Variants in RNLS observed in about 807,000 individuals in gnomAD.
The protein encoded by RNLS is renalase.
In RNLS, 39 loss-of-function variants were observed where a neutral mutation model predicts 39.8. The observed-to-expected ratio is 0.98, with a 90% CI of 0.76 to 1.28. The LOEUF is 1.28. RNLS is among the 50% of genes most tolerant of loss of function. RNLS has a pLI of 0.00. For missense variants in RNLS, 410 were observed against 413.3 expected (o/e 0.99, Z 0.07); for synonymous variants, 147 against 150.7 (o/e 0.98, Z 0.18).
chr10:88,565,863 C>T lies in RNLS; in HGVS notation c.526+7040G>A, dbSNP rs1488310398. ...CTCCCAGGTTCAAGCGATTCTCCTGCCTCAGCCTCCTGAGTAGCTGGGACT... is the reference window on the plus strand; with the variant it reads ...CTCCCAGGTTCAAGCGATTCTCCTGTCTCAGCCTCCTGAGTAGCTGGGACT... On this transcript the variant is annotated intron_variant, in intron 4 of 6. Coordinates refer to ENST00000331772, the MANE Select transcript of RNLS (RefSeq NM_001031709.3). 2.0e-5 allele frequency among the ~76,000 whole-genome samples: 3 copies of T among 151,002 alleles called. No homozygotes were observed. The East Asian group carries it at 5.9e-4, about 30-fold the overall frequency.
the RNLS span, among the ~76,000 whole-genome samples, chr10:88,255,226 G>C: frequency 1.3e-5 from 2 of 152,166 alleles, no homozygotes; most frequent in Non-Finnish European, 1.5e-5. Context: ...TGTGCTCCTG[G>C]AACCACCTTT....
At chr10:88,530,638 A>G (rs1292524826) in intron 4 of RNLS, among the ~76,000 whole-genome samples, 1 of 152,172 alleles carries the variant, frequency 6.6e-6, no homozygotes, top group Non-Finnish European at 1.5e-5. Context: ...ACATTTACAA[A>G]TATCTTTCTG....
intron 3 of RNLS, 68 bp downstream of exon 3, chr10:88,581,499 T>C: frequency 1.5e-6 from 2 of 1,374,098 alleles, no homozygotes; most frequent in Non-Finnish European, 2.0e-6. Context: ...TATTAATATG[T>C]AACTATGTGT....
intron 4 of RNLS, among the ~76,000 whole-genome samples, chr10:88,436,130 G>A (rs1457907654): frequency 6.6e-6 from 1 of 152,076 alleles, no homozygotes; most frequent in Non-Finnish European, 1.5e-5. Context: ...AAGAAAGAAA[G>A]GGACATGGGA....
At chr10:88,438,998 C>A (rs1027997970) in intron 4 of RNLS, among the ~76,000 whole-genome samples, 3 of 152,178 alleles carry the variant, frequency 2.0e-5, no homozygotes, top group Non-Finnish European at 4.4e-5. Context: ...GCCTTAGTTG[C>A]AGCACCAACA....
At chr10:88,525,350 A>C (rs1847048695) in intron 4 of RNLS, among the ~76,000 whole-genome samples, 1 of 152,036 alleles carries the variant, frequency 6.6e-6, no homozygotes, top group African/African-American at 2.4e-5. Context: ...AGAGCATCTA[A>C]GTAATGAAAT....
intron 4 of RNLS, among the ~76,000 whole-genome samples, chr10:88,448,065 G>A (rs1430775314): frequency 1.3e-5 from 2 of 152,044 alleles, no homozygotes; most frequent in East Asian, 3.8e-4. Context: ...ATAGAAGAAA[G>A]CCTAGGCAAT....
intron 5 of RNLS, among the ~76,000 whole-genome samples, chr10:88,353,099 T>G (rs1848852898): frequency 6.6e-6 from 1 of 152,232 alleles, no homozygotes; most frequent in Admixed American, 6.5e-5. Context: ...GTTTTCTTCT[T>G]TTTTAGTCTT....
chr10:88,228,954 C>T, the RNLS span, among the ~76,000 whole-genome samples: 1 of 152,304 alleles, frequency 6.6e-6, no homozygotes, highest in African/African-American at 2.4e-5. Context: ...TTTGCATTCT[C>T]TATGTCCTCA....
chr10:88,291,317 A>C (rs1449548531), intron 6 of RNLS, among the ~76,000 whole-genome samples: 2 of 152,226 alleles, frequency 1.3e-5, no homozygotes, highest in Non-Finnish European at 2.9e-5. Flanking sequence ...CCAAATGAGC[A>C]GCGTCAGGTG....
the RNLS span, among the ~76,000 whole-genome samples, chr10:88,242,975 A>AAACAAACAAACAAACC: frequency 2.4e-3 from 341 of 144,644 alleles, 1 homozygote; most frequent in African/African-American, 8.4e-3. Context: ...ACAAACAAAC[A>AAACAAACAAACAAACC]AACCCATAAG....
the RNLS span, among the ~76,000 whole-genome samples, chr10:88,205,790 C>T: frequency 1.3e-5 from 2 of 152,058 alleles, no homozygotes; most frequent in African/African-American, 4.8e-5. Context: ...TAAGCCATCC[C>T]TCTGCTTTGA....
At chr10:88,277,724 ATAT>A (rs949385841) in intron 6 of RNLS, among the ~76,000 whole-genome samples, 2 of 152,140 alleles carry the variant, frequency 1.3e-5, no homozygotes, top group African/African-American at 4.8e-5. Context: ...CACCCCTTAA[ATAT>A]TTTCCATGCC....
chr10:88,252,756 C>A, the RNLS span, among the ~76,000 whole-genome samples: 1 of 152,184 alleles, frequency 6.6e-6, no homozygotes. Flanking sequence ...ACATTCTATA[C>A]ACAGCTCCTA....
intron 4 of RNLS, among the ~76,000 whole-genome samples, chr10:88,560,248 T>G (rs1377998888): frequency 6.6e-6 from 1 of 152,128 alleles, no homozygotes; most frequent in Non-Finnish European, 1.5e-5. Context: ...GCAAGGAAAT[T>G]CTTGCCTTCC....
intron 4 of RNLS, among the ~76,000 whole-genome samples, chr10:88,492,649 C>G (rs900766660): frequency 1.3e-5 from 2 of 152,046 alleles, no homozygotes; most frequent in African/African-American, 4.8e-5. Context: ...AAACTCCTGA[C>G]CTCAAGTAAT....
chr10:88,212,875 T>G, the RNLS span, among the ~76,000 whole-genome samples: 1 of 152,238 alleles, frequency 6.6e-6, no homozygotes, highest in Non-Finnish European at 1.5e-5. Context: ...TAGGCTGAAT[T>G]AATCCTGCTC....
At chr10:88,245,111 C>T in the RNLS span, among the ~76,000 whole-genome samples, 1 of 152,160 alleles carries the variant, frequency 6.6e-6, no homozygotes, top group East Asian at 1.9e-4. Flanking sequence ...GAAACAAATA[C>T]TTTAAAATTT....
the RNLS span, among the ~76,000 whole-genome samples, chr10:88,193,364 G>A: frequency 6.6e-6 from 1 of 152,040 alleles, no homozygotes; most frequent in African/African-American, 2.4e-5. Flanking sequence ...GCTCCCCACA[G>A]AACAGAGTGC....
Sources: allele counts gnomAD v4.1 joint callset (sites outside exome capture counted in the v4.1 genomes callset), GRCh38; gene constraint gnomAD v4.1.1; transcripts MANE v1.5; gene names NCBI Gene and HGNC (gene_info 2026-07-23, HGNC 2026-07-21).